The following WDR41 variants were observed in gnomAD, a reference collection of about 807,000 sequenced individuals.
WDR41 encodes the protein WD repeat-containing protein 41.
WDR41 carries 63 observed loss-of-function variants against 69.3 expected under a neutral mutation model. The observed-to-expected ratio is 0.91, with a 90% confidence interval of 0.74 to 1.12. The LOEUF is 1.12. Ranked by LOEUF, WDR41 falls within the 50% of genes most tolerant of loss-of-function variation. The probability of loss-of-function intolerance (pLI) is 0.00; values close to 1 mark genes in which losing one functional copy is unlikely to be tolerated. For missense variants in WDR41, 543 were observed against 534.5 expected, an observed-to-expected ratio of 1.02 and a Z score of -0.16; for synonymous variants, 185 against 192.1, an observed-to-expected ratio of 0.96 and a Z score of 0.31.
At chr5:77,587,133 C>G (rs1041715122) in intron 1 of WDR41, among the ~76,000 whole-genome samples, 3 of 150,586 alleles carry the variant, frequency 2.0e-5, no homozygotes, top group Admixed American at 1.3e-4. Context: ...ATTGCTCCCC[C>G]AAACGTAACC....
At chr5:77,478,095 G>T (rs1468219976) in intron 2 of WDR41, among the ~76,000 whole-genome samples, 1 of 152,116 alleles carries the variant, frequency 6.6e-6, no homozygotes, top group Admixed American at 6.5e-5. Flanking sequence ...TAAATTCCTC[G>T]ACACATACAC....
chr5:77,572,478 G>A (rs909459065), intron 1 of WDR41, among the ~76,000 whole-genome samples: 1 of 152,118 alleles, frequency 6.6e-6, no homozygotes, highest in African/African-American at 2.4e-5. Flanking sequence ...CTTTTATTTT[G>A]TTTCACGTTG....
intron 1 of WDR41, among the ~76,000 whole-genome samples, chr5:77,573,533 A>G (rs1382402493): frequency 6.6e-6 from 1 of 152,178 alleles, no homozygotes; most frequent in African/African-American, 2.4e-5. Flanking sequence ...ACTCTGCTAG[A>G]TCTTCCCCTA....
intron 1 of WDR41, among the ~76,000 whole-genome samples, chr5:77,604,776 A>C (rs1470321604): frequency 6.6e-6 from 1 of 152,202 alleles, no homozygotes; most frequent in Non-Finnish European, 1.5e-5. Flanking sequence ...ATTATATTGC[A>C]TCCATACATG....
intron 1 of WDR41, among the ~76,000 whole-genome samples, chr5:77,554,760 G>A (rs933514615): frequency 2.0e-5 from 3 of 146,948 alleles, no homozygotes; most frequent in African/African-American, 8.1e-5. Context: ...AAGGATCCTT[G>A]TTGTGCTGGA....
intron 1 of WDR41, among the ~76,000 whole-genome samples, chr5:77,522,931 G>T (rs775149537): frequency 1.6e-4 from 25 of 152,106 alleles, no homozygotes; most frequent in Admixed American, 1.5e-3. Context: ...CAGGTGCAGA[G>T]CATTCCTTTG....
chr5:77,514,190 T>C (rs1300349369), intron 1 of WDR41, among the ~76,000 whole-genome samples: 2 of 152,200 alleles, frequency 1.3e-5, no homozygotes, highest in Non-Finnish European at 2.9e-5. Flanking sequence ...TTTTGATGTA[T>C]TCCTACCAGT....
At chr5:77,612,465 C>A (rs1367629983) in intron 1 of WDR41, among the ~76,000 whole-genome samples, 1 of 152,178 alleles carries the variant, frequency 6.6e-6, no homozygotes, top group East Asian at 1.9e-4. Context: ...GGGCTTCATT[C>A]CTGGGATGCA....
In WDR41 at chr5:77,432,553, A is replaced by G. The variant is rs1798765322; in HGVS notation, c.*582T>C. The G allele has an allele frequency of 6.6e-6, 1 of 152,270 alleles. No individual in the cohort carries two copies. The highest frequency in any genetic ancestry group is 1.5e-5 in the Non-Finnish European group (1 of 68,054). The allele number at this position is 152,270 out of a possible 1,614,324, so 9.4% of individuals were successfully genotyped here. On this transcript the variant is annotated 3_prime_UTR_variant, in exon 13 of 13. Coordinates refer to ENST00000296679, the MANE Select transcript of WDR41 (RefSeq NM_018268.4). ...ACTGGGAAAAACACACCCTCACAAG[A>G]TGCCTATCCATTTGAGTTCATACAG...
intron 1 of WDR41, among the ~76,000 whole-genome samples, chr5:77,620,108 T>G (rs775253890): frequency 3.9e-5 from 6 of 152,176 alleles, no homozygotes; most frequent in Non-Finnish European, 7.3e-5. Context: ...GAATATTTTC[T>G]TCACCCCTTT....
chr5:77,431,433 C>CAA lies in WDR41; in HGVS notation c.*1700_*1701dup, dbSNP rs1798718712. 1 of 152,166 alleles carries CAA rather than the reference C, an allele frequency of 6.6e-6. No homozygotes were observed. 9.4% of individuals were successfully genotyped at this position (152,166 alleles called of 1,614,324 possible). A position where few individuals can be genotyped will look rare whatever the true frequency, so the allele number is the denominator to read the frequency against. ...GAAATTTAAGACTGTAGTATAAACA[C>CAA]AAGTTTTATAGGCACTGGGAAACCA... On this transcript the variant is annotated 3_prime_UTR_variant, in exon 13 of 13. Transcript: ENST00000296679.
intron 1 of WDR41, among the ~76,000 whole-genome samples, chr5:77,603,526 T>C (rs960993009): frequency 1.3e-5 from 2 of 152,252 alleles, no homozygotes; most frequent in Non-Finnish European, 2.9e-5. Context: ...CAACAGGTTG[T>C]CTCTTCACTG....
At chr5:77,442,809 G>A (rs1299796865) in intron 8 of WDR41, among the ~76,000 whole-genome samples, 1 of 148,802 alleles carries the variant, frequency 6.7e-6, no homozygotes, top group Non-Finnish European at 1.5e-5. Flanking sequence ...GGAGAATGAC[G>A]TGAACCCGGG....
upstream of WDR41, among the ~76,000 whole-genome samples, chr5:77,494,758 A>G (rs13172672): frequency 6.6e-6 from 1 of 152,180 alleles, no homozygotes; most frequent in Non-Finnish European, 1.5e-5. Context: ...GAACAACCAG[A>G]CAAGGTAAAG....
chr5:77,492,955 G>A (rs188783829), upstream of WDR41, among the ~76,000 whole-genome samples: 3 of 152,186 alleles, frequency 2.0e-5, no homozygotes, highest in African/African-American at 4.8e-5. Context: ...GTTCTTGACC[G>A]TATGCTATAT....
intron 1 of WDR41, among the ~76,000 whole-genome samples, chr5:77,521,948 A>C (rs1347110011): frequency 6.6e-6 from 1 of 152,224 alleles, no homozygotes; most frequent in Non-Finnish European, 1.5e-5. Context: ...TTCAGGCTCT[A>C]AGACTTCAGC....
intron 8 of WDR41, among the ~76,000 whole-genome samples, chr5:77,444,656 T>A (rs1222474695): frequency 6.6e-6 from 1 of 152,092 alleles, no homozygotes; most frequent in South Asian, 2.1e-4. Flanking sequence ...TGGTAATGGG[T>A]GAGGAGAAAG....
intron 1 of WDR41, among the ~76,000 whole-genome samples, chr5:77,594,173 C>A (rs925217750): frequency 6.7e-6 from 1 of 149,480 alleles, no homozygotes; most frequent in Admixed American, 6.8e-5. Flanking sequence ...GGACAAAAAA[C>A]CAAACACCGC....
chr5:77,598,644 C>CCTTTTTTTTTTTTTTTTTTTTTTTTTTT (rs1433590220), intron 1 of WDR41, among the ~76,000 whole-genome samples: 1 of 121,358 alleles, frequency 8.2e-6, no homozygotes, highest in African/African-American at 2.9e-5. Context: ...AGTAAGTTTC[C>CCTTTTTTTTTTTTTTTTTTTTTTTTTTT]TTTTTTTTTT....
Sources: gnomAD v4.1 joint callset for allele counts (sites outside exome capture counted in the v4.1 genomes callset) on GRCh38, gnomAD v4.1.1 for gene constraint, MANE v1.5 for transcripts, NCBI Gene and HGNC (gene_info 2026-07-23, HGNC 2026-07-21) for gene names.